The following WDFY4 variants were observed in gnomAD, a reference collection of about 807,000 sequenced individuals.
WDFY4 encodes WDFY family member 4.
WDFY4 carries 169 observed loss-of-function variants against 351.9 expected under a neutral mutation model. The ratio of observed to expected loss-of-function variants is 0.48; its 90% confidence interval spans 0.42 to 0.55. WDFY4 has a LOEUF of 0.55. Ranked by LOEUF, WDFY4 falls within the 20% of genes least tolerant of loss-of-function variation. The pLI is 0.00. For synonymous variants in WDFY4, 1,622 were observed against 1,574.6 expected (o/e 1.03, Z -0.71); for missense variants, 3,803 against 3,935.6 (o/e 0.97, Z 0.90).
intron 35 of WDFY4, chr10:48,824,020 A>G: frequency 4.1e-6 from 4 of 985,468 alleles, no homozygotes; most frequent in Non-Finnish European, 4.8e-6. Flanking sequence ...AACTTTGTGC[A>G]TACTCTTTGT....
intron 39 of WDFY4, among the ~76,000 whole-genome samples, chr10:48,847,924 C>T (rs1291635191): frequency 6.6e-6 from 1 of 152,172 alleles, no homozygotes; most frequent in Non-Finnish European, 1.5e-5. Flanking sequence ...CTGTGGTGGT[C>T]TGGTCCCTCT....
At chr10:48,811,282 T>C (rs2132920182) in intron 29 of WDFY4, among the ~76,000 whole-genome samples, 1 of 152,352 alleles carries the variant, frequency 6.6e-6, no homozygotes, top group Admixed American at 6.5e-5. Flanking sequence ...CCTTGTTGCC[T>C]AATTCAAAGC....
chr10:48,823,121 C>A, intron 35 of WDFY4: 7 of 1,300,196 alleles, frequency 5.4e-6, no homozygotes, highest in Non-Finnish European at 7.1e-6. Context: ...TGCATATACA[C>A]ACAGAGAGAA....
At chr10:48,906,365 C>A (rs1837617071) in intron 47 of WDFY4, among the ~76,000 whole-genome samples, 1 of 152,136 alleles carries the variant, frequency 6.6e-6, no homozygotes, top group African/African-American at 2.4e-5. Context: ...TGGTTGCCTC[C>A]ATAACTATAT....
At chr10:48,981,590 C>A in intron 61 of WDFY4, 112 bp downstream of exon 61, 2 of 931,454 alleles carry the variant, frequency 2.1e-6, no homozygotes, top group Non-Finnish European at 3.3e-6. Flanking sequence ...CCACTTCACT[C>A]CAGGACATGG....
At position 48,738,270 on chromosome 10, in the gene WDFY4, C is replaced by T. The variant is rs578033144; in HGVS notation, c.1878+2200C>T. ...GCTCATAGAAAGTTCCTTTTGTTTA[C>T]TCTGTAGCCCAGAGGCATCGTATTG... On this transcript the variant is annotated intron_variant, in intron 11 of 61. Coordinates refer to ENST00000325239, the MANE Select transcript of WDFY4 (RefSeq NM_001394531.1). Among the ~76,000 whole-genome samples, 5 of 152,198 alleles carry T rather than the reference C, an allele frequency of 3.3e-5. No individual in the cohort carries two copies. In the South Asian group the frequency reaches 1.0e-3, roughly 32 times the overall value.
At chr10:48,917,908 T>G (rs1838697734) in intron 47 of WDFY4, among the ~76,000 whole-genome samples, 1 of 152,240 alleles carries the variant, frequency 6.6e-6, no homozygotes, top group Non-Finnish European at 1.5e-5. Context: ...GTGATGGAGT[T>G]GTCAAAGTAT....
intron 40 of WDFY4, among the ~76,000 whole-genome samples, chr10:48,871,723 C>T (rs901490334): frequency 6.6e-6 from 1 of 152,144 alleles, no homozygotes; most frequent in African/African-American, 2.4e-5. Flanking sequence ...GAAATTCTCC[C>T]ACCTTGGCCT....
chr10:48,957,403 G>A (rs200212552), intron 52 of WDFY4, 121 bp downstream of exon 52: 108 of 1,263,110 alleles, frequency 8.6e-5, no homozygotes, highest in East Asian at 2.6e-5. Context: ...CCTCAACTTC[G>A]GGTGAGGTCT....
Position 48,780,009 on chromosome 10 carries a change from C to G in WDFY4, c.3466C>G (p.Leu1156Val), listed in dbSNP as rs745873051. 105 of 1,551,724 alleles carry G rather than the reference C, an allele frequency of 6.8e-5. No homozygotes were observed. The Middle Eastern group carries it at 1.2e-3, about 17-fold the overall frequency. The change falls in exon 19 of 62, where the codon CTC becomes GTC. Residue 1156 changes from leucine (L) to valine (V), a missense_variant. Around this residue, in one of 3 missense-constraint regions of WDFY4, gnomAD observed 3,054 missense variants for 3,148.6 expected, o/e 0.97. Transcript: ENST00000325239. ...GCQLQVRCGQ[L>V]LACGQWHHLA... The stretch of plus-strand genomic sequence containing the variant: ...CCAGCTTCAGGTCAGGTGTGGCCAG[C>G]TCCTGGCTTGTGGTCAGTGGCATCA...
chr10:48,972,220 G>A (rs1377644158), intron 57 of WDFY4, among the ~76,000 whole-genome samples: 1 of 152,216 alleles, frequency 6.6e-6, no homozygotes, highest in Non-Finnish European at 1.5e-5. Context: ...GCTGCTCAGT[G>A]AAGGGGTCCA....
chr10:48,752,602 T>C (rs11101457), intron 12 of WDFY4, among the ~76,000 whole-genome samples: 1,564 of 152,348 alleles, frequency 0.01, 25 homozygotes, highest in African/African-American at 0.035. Flanking sequence ...CTGTTCAGGA[T>C]AAATCATGTG....
At chr10:48,841,189 A>G (rs190550258) in intron 39 of WDFY4, among the ~76,000 whole-genome samples, 103 of 152,364 alleles carry the variant, frequency 6.8e-4, no homozygotes, top group African/African-American at 2.2e-3. Context: ...TGCTAGTGGT[A>G]TATATTAAAG....
At chr10:48,934,464 T>G (rs1173590726) in intron 47 of WDFY4, among the ~76,000 whole-genome samples, 1 of 152,194 alleles carries the variant, frequency 6.6e-6, no homozygotes, top group African/African-American at 2.4e-5. Flanking sequence ...TCACAAAGAC[T>G]CTAAGTAGAG....
At chr10:48,705,353 T>C (rs540539279) in intron 1 of WDFY4, among the ~76,000 whole-genome samples, 1 of 152,278 alleles carries the variant, frequency 6.6e-6, no homozygotes, top group Non-Finnish European at 1.5e-5. Flanking sequence ...AGGAGGTGAG[T>C]GCCTCCTTCA....
At position 48,820,560 on chromosome 10, in the gene WDFY4, CTG is replaced by C. The variant is rs1353727280; in HGVS notation, c.5709+126_5709+127del. ...GGGGCCACAGCGAGTGAAGGGGAAT[CTG>C]TGAACCATGGGCCCCAAAAAAGCAA... On this transcript the variant is annotated intron_variant, in intron 33 of 61. Coordinates refer to ENST00000325239, the MANE Select transcript of WDFY4 (RefSeq NM_001394531.1). The C allele has an allele frequency of 7.4e-6, 8 of 1,087,622 alleles. No individual in the cohort carries two copies. In the African/African-American group the frequency reaches 1.1e-4, roughly 15 times the overall value. The allele number at this position is 1,087,622 out of a possible 1,614,324, so 67.4% of individuals were successfully genotyped here.
intron 39 of WDFY4, among the ~76,000 whole-genome samples, chr10:48,864,756 A>C (rs1305739421): frequency 5.3e-5 from 8 of 152,214 alleles, no homozygotes; most frequent in Non-Finnish European, 1.0e-4. Flanking sequence ...GTGATATTTT[A>C]TAGGTTTCAG....
chr10:48,939,751 G>T (rs920565875), intron 47 of WDFY4, among the ~76,000 whole-genome samples: 20 of 152,202 alleles, frequency 1.3e-4, no homozygotes, highest in African/African-American at 4.8e-4. Context: ...CTCACCTTTG[G>T]TTAGGTGTCC....
At chr10:48,821,415 C>T (rs903050061) in intron 34 of WDFY4, among the ~76,000 whole-genome samples, 3 of 152,200 alleles carry the variant, frequency 2.0e-5, no homozygotes, top group Non-Finnish European at 4.4e-5. Flanking sequence ...ACAGAAAGCC[C>T]TTTTGCCTCT....
Sources: gnomAD v4.1 joint callset for allele counts (sites outside exome capture counted in the v4.1 genomes callset) on GRCh38, gnomAD v4.1.1 for gene constraint, gnomAD v4.1.1 regional missense constraint, MANE v1.5 for transcripts, NCBI Gene and HGNC (gene_info 2026-07-23, HGNC 2026-07-21) for gene names.